Variants in ABHD17B observed in about 807,000 individuals in gnomAD.
The protein encoded by ABHD17B is alpha/beta hydrolase domain-containing protein 17B.
In ABHD17B, 9 loss-of-function variants were observed where a neutral mutation model predicts 26.2. The observed-to-expected ratio is 0.34, with a 90% confidence interval of 0.21 to 0.60. The LOEUF is 0.60. Among genes scored for constraint, ABHD17B ranks in the 20% least tolerant of loss-of-function variants. The probability of loss-of-function intolerance (pLI) is 0.80; values close to 1 mark genes in which losing one functional copy is unlikely to be tolerated. For synonymous variants in ABHD17B, 127 were observed against 122.3 expected, an observed-to-expected ratio of 1.04 and a Z score of -0.25; for missense variants, 224 against 352.1, an observed-to-expected ratio of 0.64 and a Z score of 2.91.
intron 2 of ABHD17B, among the ~76,000 whole-genome samples, chr9:71,873,246 C>A (rs561332903): frequency 6.6e-6 from 1 of 151,566 alleles, no homozygotes; most frequent in Non-Finnish European, 1.5e-5. Context: ...CTGAAGTCTA[C>A]CAAATTGTGA....
In ABHD17B at chr9:71,882,612, C is replaced by T. The variant is rs376766236; in HGVS notation, c.-3-7529G>A. On this transcript the variant is annotated intron_variant, in intron 1 of 3. Transcript: ENST00000333421. Reference sequence around the variant, plus strand: ...GGCGGAGGTTGCAGTGAGCTGAGATCGCGCCACTGCACTCCAACCTGGGCA... The same window carrying T: ...GGCGGAGGTTGCAGTGAGCTGAGATTGCGCCACTGCACTCCAACCTGGGCA... Among the ~76,000 whole-genome samples the T allele has an allele frequency of 1.0e-4, 15 of 149,022 alleles. 1 individual carries two copies. The highest frequency in any genetic ancestry group is 5.3e-4 in the Admixed American group (8 of 15,006).
rs1248620583 is a variant in ABHD17B at position 71,911,101 on chromosome 9, A to G, written c.-471T>C. 6.6e-6 allele frequency among the ~76,000 whole-genome samples: 1 copy of G among 152,100 alleles called. No homozygotes were observed. The highest frequency in any genetic ancestry group is 6.5e-5 in the Admixed American group (1 of 15,290). On this transcript the variant is annotated 5_prime_UTR_variant, in exon 1 of 4. Transcript: ENST00000333421. ...TTCTTTGCTCCTCCTCAGCCTGCCA[A>G]GCGCGAGGCTCGTTCCGGTAGCGGG...
At chr9:71,864,009 T>C (rs1187124224), downstream of ABHD17B, among the ~76,000 whole-genome samples, 1 of 152,164 alleles carries the variant, frequency 6.6e-6, no homozygotes, top group Non-Finnish European at 1.5e-5. Flanking sequence ...TTCACCACTC[T>C]AAAATTAGAT....
chr9:71,881,355 A>G (rs1826435350), intron 1 of ABHD17B, among the ~76,000 whole-genome samples: 1 of 152,222 alleles, frequency 6.6e-6, no homozygotes, highest in Non-Finnish European at 1.5e-5. Flanking sequence ...TGAGTCAAAG[A>G]CTAAATGTAA....
intron 1 of ABHD17B, among the ~76,000 whole-genome samples, chr9:71,907,828 T>C (rs1264976417): frequency 6.6e-6 from 1 of 152,194 alleles, no homozygotes; most frequent in Non-Finnish European, 1.5e-5. Flanking sequence ...CACTTCGTTT[T>C]AATTGGTAGT....
At chr9:71,884,558 G>A (rs569298491) in intron 1 of ABHD17B, among the ~76,000 whole-genome samples, 1 of 151,594 alleles carries the variant, frequency 6.6e-6, no homozygotes, top group Admixed American at 6.6e-5. Flanking sequence ...TTATCTTTGA[G>A]GACAAATACA....
At chr9:71,872,244 A>G (rs1826135299) in intron 2 of ABHD17B, among the ~76,000 whole-genome samples, 2 of 152,202 alleles carry the variant, frequency 1.3e-5, no homozygotes, top group African/African-American at 4.8e-5. Flanking sequence ...TGGTTTCAAC[A>G]CGAAAGAAAA....
At chr9:71,871,207 A>G (rs1826101934) in intron 2 of ABHD17B, among the ~76,000 whole-genome samples, 2 of 152,226 alleles carry the variant, frequency 1.3e-5, no homozygotes, top group African/African-American at 2.4e-5. Context: ...ATCTTTTGCA[A>G]AGGTAAAATA....
chr9:71,866,416 G>C lies in ABHD17B; in HGVS notation c.*371C>G, dbSNP rs1589207080. 5 of 987,374 alleles carry C rather than the reference G, an allele frequency of 5.1e-6. No homozygotes were observed. The highest frequency in any genetic ancestry group is 6.1e-6 in the Non-Finnish European group (5 of 822,910). The allele number at this position is 987,374 out of a possible 1,614,324, so 61.2% of individuals were successfully genotyped here. A position where few individuals can be genotyped will look rare whatever the true frequency, so the allele number is the denominator to read the frequency against. On this transcript the variant is annotated 3_prime_UTR_variant, in exon 4 of 4. Transcript: ENST00000333421. ...TTCAAAATATTACAGTTGTATTCCAGGATAAGATTTAATATATTGAGATGT... is the reference window on the plus strand; with the variant it reads ...TTCAAAATATTACAGTTGTATTCCACGATAAGATTTAATATATTGAGATGT...
At chr9:71,909,930 C>T (rs1185392588) in intron 1 of ABHD17B, among the ~76,000 whole-genome samples, 1 of 151,824 alleles carries the variant, frequency 6.6e-6, no homozygotes, top group Non-Finnish European at 1.5e-5. Flanking sequence ...CACGAGAGCC[C>T]CCACACAGTA....
intron 1 of ABHD17B, among the ~76,000 whole-genome samples, chr9:71,895,342 T>A (rs981575007): frequency 6.6e-6 from 1 of 152,226 alleles, no homozygotes; most frequent in African/African-American, 2.4e-5. Flanking sequence ...CAGGAAGTGT[T>A]CTTAGACCTG....
At chr9:71,864,222 T>C (rs1403923597), downstream of ABHD17B, among the ~76,000 whole-genome samples, 19 of 130,098 alleles carry the variant, frequency 1.5e-4, no homozygotes, top group Admixed American at 7.9e-4. Flanking sequence ...TCTTTTTTTT[T>C]TTTTTTTTTT....
At chr9:71,862,457 G>A, downstream of ABHD17B, 1 of 1,112,716 alleles carries the variant, frequency 9.0e-7, no homozygotes, top group Non-Finnish European at 1.2e-6. Flanking sequence ...TAACATTGGA[G>A]AGCAAATAAG....
At chr9:71,891,535 T>C (rs1826784079) in intron 1 of ABHD17B, among the ~76,000 whole-genome samples, 1 of 152,258 alleles carries the variant, frequency 6.6e-6, no homozygotes, top group African/African-American at 2.4e-5. Flanking sequence ...GGTTTCATGC[T>C]GTTGGAATGC....
intron 1 of ABHD17B, among the ~76,000 whole-genome samples, chr9:71,893,598 C>T (rs1477134184): frequency 6.6e-6 from 1 of 152,214 alleles, no homozygotes; most frequent in Non-Finnish European, 1.5e-5. Flanking sequence ...TTTATGGAAG[C>T]TTTGTTAAGT....
intron 1 of ABHD17B, among the ~76,000 whole-genome samples, chr9:71,910,329 A>T (rs1827420381): frequency 6.6e-6 from 1 of 152,160 alleles, no homozygotes; most frequent in South Asian, 2.1e-4. Context: ...ACCTTCTTAG[A>T]GTGTCGGTCG....
intron 3 of ABHD17B, among the ~76,000 whole-genome samples, chr9:71,869,284 T>C (rs1176510822): frequency 1.3e-5 from 2 of 152,186 alleles, no homozygotes; most frequent in Non-Finnish European, 2.9e-5. Context: ...ATGATGAAAA[T>C]TCTGTGTTTT....
chr9:71,867,133 T>C, intron 3 of ABHD17B, 127 bp from the exon 4 acceptor site: 2 of 1,117,922 alleles, frequency 1.8e-6, no homozygotes, highest in South Asian at 3.2e-5. Context: ...GGTAAGAATG[T>C]CTCCTGAATT....
At chr9:71,867,174 T>C (rs1205399647) in intron 3 of ABHD17B, among the ~76,000 whole-genome samples, 168 bp from the exon 4 acceptor site, 1 of 152,220 alleles carries the variant, frequency 6.6e-6, no homozygotes, top group African/African-American at 2.4e-5. Flanking sequence ...GCCTTTTACA[T>C]ACTCCCTACC....
Sources: allele counts gnomAD v4.1 joint callset (sites outside exome capture counted in the v4.1 genomes callset), GRCh38; gene constraint gnomAD v4.1.1; transcripts MANE v1.5; gene names NCBI Gene and HGNC (gene_info 2026-07-23, HGNC 2026-07-21).